Variants in CDC42BPB observed in about 807,000 individuals in gnomAD.
The protein encoded by CDC42BPB is serine/threonine-protein kinase MRCK beta.
CDC42BPB carries 37 observed loss-of-function variants against 214.9 expected under a neutral mutation model. The ratio of observed to expected loss-of-function variants is 0.17; its 90% CI spans 0.13 to 0.23. CDC42BPB has a LOEUF of 0.23. CDC42BPB is among the 10% of genes least tolerant of loss of function. The pLI, the probability that CDC42BPB is intolerant of heterozygous loss-of-function variation, is 1.00. For synonymous variants in CDC42BPB, 931 were observed against 884.0 expected (o/e 1.05, Z -0.94); for missense variants, 1,694 against 2,227.0 (o/e 0.76, Z 4.82).
chr14:102,984,337 C>A lies in CDC42BPB; in HGVS notation c.691-581G>T, dbSNP rs144694469. 6.6e-5 allele frequency among the ~76,000 whole-genome samples: 10 copies of A among 152,174 alleles called. No individual in the cohort carries two copies. In the East Asian group the frequency reaches 1.6e-3, roughly 24 times the overall value. ...GGGTCTGTTTTTAGAATAAAGACTCCAGTGGGGCACAAGAGGCTGCATTTC... is the reference window on the plus strand; with the variant it reads ...GGGTCTGTTTTTAGAATAAAGACTCAAGTGGGGCACAAGAGGCTGCATTTC... On this transcript the variant is annotated intron_variant, in intron 6 of 36. Transcript: ENST00000361246.
chr14:102,968,561 C>G lies in CDC42BPB; in HGVS notation c.2151G>C (p.Lys717Asn). 6.2e-7 allele frequency: 1 copy of G among 1,614,164 alleles called. No individual in the cohort carries two copies. Among genetic ancestry groups the G allele is most frequent in the Admixed American group, 1.7e-5 (1 of 60,014 alleles). The change falls in exon 15 of 37, where the codon AAG becomes AAC. Residue 717 changes from lysine to asparagine, a missense_variant. Transcript: ENST00000361246. ...GGTGGCTTTCTGAATCATGCACCTC[C>G]TTCTTCACATTTTTCACTTCTAGCA... ...SHVLEVKNVK[K>N]EVHDSESHQL...
intron 3 of CDC42BPB, among the ~76,000 whole-genome samples, chr14:103,005,478 C>T (rs780550700): frequency 1.3e-5 from 2 of 151,922 alleles, no homozygotes; most frequent in Non-Finnish European, 2.9e-5. Context: ...GAGGCCAAGG[C>T]GGGAGGATCA....
rs1159293245 is a variant in CDC42BPB, at chr14:102,944,796, G to A, written c.3812-309C>T. On this transcript the variant is annotated intron_variant, in intron 29 of 36. Coordinates refer to ENST00000361246, the MANE Select transcript of CDC42BPB (RefSeq NM_006035.4). The surrounding 1 kb of genome is among the most constrained non-coding windows in gnomAD (Gnocchi z 6.6). ...TGCACCAGGGCTCCAGCTGGGCAGC[G>A]CTTCCACCTGGGTCCTCGCGCAGCA... 9.1e-6 allele frequency: 4 copies of A among 440,066 alleles called. No individual in the cohort carries two copies. The highest frequency in any genetic ancestry group is 4.3e-5 in the African/African-American group (2 of 46,252). The allele number at this position is 440,066 out of a possible 1,614,324, so 27.3% of individuals were successfully genotyped here. A position where few individuals can be genotyped will look rare whatever the true frequency, so the allele number is the denominator to read the frequency against.
rs1324959014 is a variant in CDC42BPB, at chr14:103,025,788, CAG to C, written c.176-13602_176-13601del. Among the ~76,000 whole-genome samples the C allele has an allele frequency of 2.7e-5, 4 of 146,768 alleles. No homozygotes were observed. The Admixed American group carries it at 2.8e-4, about 10-fold the overall frequency. On this transcript the variant is annotated intron_variant, in intron 1 of 36. Coordinates refer to ENST00000361246, the MANE Select transcript of CDC42BPB (RefSeq NM_006035.4). ...AGCCACTGCACTCCAGCCTGGGTGA[CAG>C]AGCGAGACTCTGTCTCAAAAAAAAA...
At chr14:103,048,178 T>A (rs1888401269) in intron 1 of CDC42BPB, among the ~76,000 whole-genome samples, 1 of 152,058 alleles carries the variant, frequency 6.6e-6, no homozygotes, top group African/African-American at 2.4e-5. Flanking sequence ...TAAGATTATG[T>A]GAGGTGTTTA....
chr14:102,956,965 G>A (rs1595464983), intron 21 of CDC42BPB, among the ~76,000 whole-genome samples: 1 of 145,524 alleles, frequency 6.9e-6, no homozygotes. Context: ...GATCACCTGA[G>A]GTCAGAAGTT....
At chr14:102,936,396 A>G (rs1891648907) in intron 36 of CDC42BPB, among the ~76,000 whole-genome samples, 1 of 152,198 alleles carries the variant, frequency 6.6e-6, no homozygotes. Flanking sequence ...CTAGCCATAC[A>G]AGAGAATATT....
chr14:102,981,953 T>C (rs1894024956), intron 7 of CDC42BPB, among the ~76,000 whole-genome samples: 1 of 152,150 alleles, frequency 6.6e-6, no homozygotes, highest in African/African-American at 2.4e-5. Flanking sequence ...CACACCCTCA[T>C]GGTAGAGTGG....
At chr14:102,978,522 C>T (rs1408098398) in intron 8 of CDC42BPB, 2 of 162,896 alleles carry the variant, frequency 1.2e-5, no homozygotes, top group Non-Finnish European at 2.6e-5. Flanking sequence ...CTGCTTAACA[C>T]AACTGTGTGC....
chr14:102,950,116 A>G, intron 25 of CDC42BPB: 2 of 985,218 alleles, frequency 2.0e-6, no homozygotes, highest in South Asian at 4.7e-5. Context: ...AGCTCAGCCA[A>G]CGCTGTGTCC....
chr14:102,946,217 G>A (rs1188201271), intron 28 of CDC42BPB, among the ~76,000 whole-genome samples: 1 of 151,964 alleles, frequency 6.6e-6, no homozygotes, highest in Non-Finnish European at 1.5e-5. Flanking sequence ...CAGAGACAGG[G>A]TTTCACCGTG....
intron 1 of CDC42BPB, among the ~76,000 whole-genome samples, chr14:103,026,847 G>A (rs558564673): frequency 1.3e-5 from 2 of 151,112 alleles, no homozygotes; most frequent in African/African-American, 4.9e-5. Context: ...CAGCCTGGGC[G>A]ACAGAGTGAG....
At position 102,990,957 on chromosome 14, in the gene CDC42BPB, G is replaced by A. The variant is rs749047199; in HGVS notation, c.597-4377C>T. ...GGTTGCTTCCTTAGAGGAGAAAGCC[G>A]GATGACGACTGGTCAGCATGGTGGG... On this transcript the variant is annotated intron_variant, in intron 5 of 36. Coordinates refer to ENST00000361246, the MANE Select transcript of CDC42BPB (RefSeq NM_006035.4). Among the ~76,000 whole-genome samples the A allele has an allele frequency of 3.3e-5, 5 of 152,184 alleles. No homozygotes were observed. In the East Asian group the frequency reaches 7.7e-4, roughly 23 times the overall value.
intron 28 of CDC42BPB, among the ~76,000 whole-genome samples, chr14:102,946,022 T>G (rs1892149884): frequency 6.6e-6 from 1 of 151,958 alleles, no homozygotes; most frequent in African/African-American, 2.4e-5. Context: ...ATCTGCTTTT[T>G]TTTTGAGACG....
chr14:103,052,902 A>G (rs1179101219), intron 1 of CDC42BPB, among the ~76,000 whole-genome samples: 3 of 152,252 alleles, frequency 2.0e-5, no homozygotes, highest in African/African-American at 2.4e-5. Flanking sequence ...TATTTAACAC[A>G]TAAGACAGTA....
At chr14:102,939,403 G>A (rs1237957060) in intron 34 of CDC42BPB, among the ~76,000 whole-genome samples, 3 of 152,238 alleles carry the variant, frequency 2.0e-5, no homozygotes, top group South Asian at 2.1e-4. Context: ...AGGGCGGCCC[G>A]AGGCCTGTGC....
chr14:102,981,397 A>G (rs1893991073), intron 7 of CDC42BPB, among the ~76,000 whole-genome samples: 1 of 152,226 alleles, frequency 6.6e-6, no homozygotes, highest in Non-Finnish European at 1.5e-5. Context: ...AGCAGTTACT[A>G]AGAGGAAACA....
intron 8 of CDC42BPB, 137 bp from the exon 9 acceptor site, chr14:102,978,342 T>C: frequency 1.3e-6 from 2 of 1,494,144 alleles, no homozygotes; most frequent in Non-Finnish European, 1.8e-6. Context: ...TTCCATGGTG[T>C]CCTCTGCAGG....
At chr14:102,945,287 T>C (rs952868617) in intron 29 of CDC42BPB, 3 of 462,696 alleles carry the variant, frequency 6.5e-6, no homozygotes, top group South Asian at 4.6e-5. Context: ...GTGGAGCGGG[T>C]GCATGCCAGG....
Sources: allele counts gnomAD v4.1 joint callset (sites outside exome capture counted in the v4.1 genomes callset), GRCh38; gene constraint gnomAD v4.1.1; non-coding constraint Gnocchi (gnomAD v3.1); transcripts MANE v1.5; gene names NCBI Gene and HGNC (gene_info 2026-07-23, HGNC 2026-07-21).